Variants in DPP10 observed in about 807,000 individuals in gnomAD.
DPP10 encodes dipeptidyl peptidase like 10, also known as inactive dipeptidyl peptidase 10.
In DPP10, 33 loss-of-function variants were observed where a neutral mutation model predicts 120.9. The observed-to-expected ratio is 0.27, with a 90% CI of 0.21 to 0.37. DPP10 has a LOEUF of 0.37. DPP10 is among the 10% of genes least tolerant of loss of function. DPP10 has a pLI of 1.00. For synonymous variants in DPP10, 337 were observed against 326.1 expected (o/e 1.03, Z -0.36); for missense variants, 816 against 942.8 (o/e 0.87, Z 1.76).
At chr2:115,532,378 A>G (rs992366637) in intron 5 of DPP10, among the ~76,000 whole-genome samples, 1 of 152,010 alleles carries the variant, frequency 6.6e-6, no homozygotes, top group Non-Finnish European at 1.5e-5. Flanking sequence ...TAGCTTTTCG[A>G]TTACTTTGTC....
At chr2:115,599,606 C>A (rs753419410) in intron 5 of DPP10, among the ~76,000 whole-genome samples, 1 of 152,072 alleles carries the variant, frequency 6.6e-6, no homozygotes, top group South Asian at 2.1e-4. Flanking sequence ...TAGCCTCATA[C>A]GATAATTCTA....
chr2:115,577,756 C>T (rs1191756598), intron 5 of DPP10, among the ~76,000 whole-genome samples: 1 of 152,088 alleles, frequency 6.6e-6, no homozygotes, highest in Non-Finnish European at 1.5e-5. Flanking sequence ...CTTATATGCT[C>T]ACATGGTGTT....
intron 1 of DPP10, among the ~76,000 whole-genome samples, chr2:115,129,135 T>G (rs1223433818): frequency 6.6e-6 from 1 of 152,218 alleles, no homozygotes; most frequent in African/African-American, 2.4e-5. Context: ...AGGCTTCCTG[T>G]AGCTCTCCAG....
intron 5 of DPP10, among the ~76,000 whole-genome samples, chr2:115,608,976 TTC>T (rs2083894837): frequency 6.6e-6 from 1 of 151,204 alleles, no homozygotes; most frequent in Non-Finnish European, 1.5e-5. Flanking sequence ...TCAAGACAAA[TTC>T]CAGGAAGAAA....
intron 3 of DPP10, chr2:115,469,022 G>A (rs1294439721): frequency 5.0e-6 from 1 of 201,618 alleles, no homozygotes; most frequent in African/African-American, 2.4e-5. Flanking sequence ...GTGCAGTGGT[G>A]CGATAGCTGA....
chr2:115,366,003 A>G (rs925495098), intron 3 of DPP10, among the ~76,000 whole-genome samples: 2 of 152,102 alleles, frequency 1.3e-5, no homozygotes, highest in East Asian at 3.9e-4. Context: ...CTGATTATAG[A>G]TTTATTTTGT....
chr2:115,372,261 GAA>G (rs1340376453), intron 3 of DPP10, among the ~76,000 whole-genome samples: 1 of 152,086 alleles, frequency 6.6e-6, no homozygotes, highest in Non-Finnish European at 1.5e-5. Context: ...AAGAGTACAT[GAA>G]ACATCTTTTG....
chr2:114,549,980 C>A (rs1225462432), intron 1 of DPP10, among the ~76,000 whole-genome samples: 1 of 152,104 alleles, frequency 6.6e-6, no homozygotes, highest in Non-Finnish European at 1.5e-5. Flanking sequence ...ACCATCATGC[C>A]CCCAAACCTA....
intron 7 of DPP10, among the ~76,000 whole-genome samples, chr2:115,721,610 T>C (rs887990128): frequency 1.3e-5 from 2 of 149,344 alleles, no homozygotes; most frequent in African/African-American, 4.9e-5. Flanking sequence ...AAAAAAAAAG[T>C]GTTGGTAAAA....
chr2:115,441,817 C>CTTTTTTTTTTTTTTTTT (rs561102084), intron 3 of DPP10, among the ~76,000 whole-genome samples: 3 of 124,478 alleles, frequency 2.4e-5, no homozygotes, highest in African/African-American at 9.5e-5. Context: ...TTCTTTCTTT[C>CTTTTTTTTTTTTTTTTT]TTTTTTTTTT....
rs371052998 is a variant in DPP10 at position 114,610,970 on chromosome 2, A to C, written c.60+168132A>C. On this transcript the variant is annotated intron_variant, in intron 1 of 25. Coordinates refer to ENST00000410059, the MANE Select transcript of DPP10 (RefSeq NM_020868.6). Reference sequence around the variant, plus strand: ...GGACAGCTATTTTCTGCCATTCAGCACTGAGTGATCATCATCAGGTACAGC... The same window carrying C: ...GGACAGCTATTTTCTGCCATTCAGCCCTGAGTGATCATCATCAGGTACAGC... Among the ~76,000 whole-genome samples the C allele has an allele frequency of 5.3e-5, 8 of 152,098 alleles. No homozygotes were observed. In the East Asian group the frequency reaches 1.4e-3, roughly 26 times the overall value.
chr2:115,298,390 G>A (rs922851659), intron 1 of DPP10, among the ~76,000 whole-genome samples: 1 of 151,980 alleles, frequency 6.6e-6, no homozygotes, highest in African/African-American at 2.4e-5. Flanking sequence ...CCACTAACTC[G>A]TAATGCATCT....
intron 1 of DPP10, among the ~76,000 whole-genome samples, chr2:115,128,986 G>A (rs2050209841): frequency 1.3e-5 from 2 of 152,184 alleles, no homozygotes; most frequent in African/African-American, 4.8e-5. Flanking sequence ...CAAGGGGACA[G>A]TCATCCCAGA....
chr2:115,760,043 C>A (rs75848835), intron 11 of DPP10, among the ~76,000 whole-genome samples: 1 of 151,740 alleles, frequency 6.6e-6, no homozygotes, highest in East Asian at 1.9e-4. Context: ...CAAAAAAAAA[C>A]CCATACATTA....
chr2:115,717,614 G>T (rs1418236102), intron 7 of DPP10, among the ~76,000 whole-genome samples: 8 of 151,976 alleles, frequency 5.3e-5, no homozygotes, highest in Non-Finnish European at 1.5e-5. Context: ...AAATATATAT[G>T]TATGTATATA....
chr2:115,500,293 A>G (rs2076617599), intron 4 of DPP10, among the ~76,000 whole-genome samples: 1 of 151,936 alleles, frequency 6.6e-6, no homozygotes, highest in East Asian at 1.9e-4. Flanking sequence ...AAAATAGTAC[A>G]CAGTTATTTA....
intron 1 of DPP10, among the ~76,000 whole-genome samples, chr2:115,017,792 G>C (rs1702763253): frequency 1.3e-5 from 2 of 149,228 alleles, no homozygotes; most frequent in Non-Finnish European, 3.0e-5. Flanking sequence ...CTCATAGCTG[G>C]AAATTGAACA....
chr2:114,759,598 C>T (rs1395641973), intron 1 of DPP10, among the ~76,000 whole-genome samples: 1 of 152,016 alleles, frequency 6.6e-6, no homozygotes, highest in Non-Finnish European at 1.5e-5. Context: ...GAAAGTGGCC[C>T]TCTGTCTATC....
Position 115,836,123 on chromosome 2 carries a change from T to G in DPP10, c.1951-34T>G, listed in dbSNP as rs767944659. The G allele has an allele frequency of 1.7e-3, 764 of 437,664 alleles. 5 individuals carry two copies. Among genetic ancestry groups the G allele is most frequent in the South Asian group, 4.7e-3 (72 of 15,436 alleles). The allele number at this position is 437,664 out of a possible 1,614,324, so 27.1% of individuals were successfully genotyped here. A position where few individuals can be genotyped will look rare whatever the true frequency, so the allele number is the denominator to read the frequency against. ...TATGTGTGTGTGTGTGTGTGAGATA[T>G]ATATATATATATATATATATTTTTC... is the stretch of plus-strand genomic sequence containing the variant. On this transcript the variant is annotated intron_variant, in intron 21 of 25. Coordinates refer to ENST00000410059, the MANE Select transcript of DPP10 (RefSeq NM_020868.6).
Sources: gnomAD v4.1 joint callset for allele counts (sites outside exome capture counted in the v4.1 genomes callset) on GRCh38, gnomAD v4.1.1 for gene constraint, MANE v1.5 for transcripts, NCBI Gene and HGNC (gene_info 2026-07-23, HGNC 2026-07-21) for gene names.